Variants in ESRRG observed in about 807,000 individuals in gnomAD.
The protein encoded by ESRRG is estrogen related receptor gamma, also known as estrogen-related receptor gamma.
In ESRRG, 13 loss-of-function variants were observed where a neutral mutation model predicts 44.0. The observed-to-expected ratio is 0.30, with a 90% confidence interval of 0.19 to 0.47. The LOEUF is 0.47. Among genes scored for constraint, ESRRG ranks in the 20% least tolerant of loss-of-function variants. The pLI, the probability that ESRRG is intolerant of heterozygous loss-of-function variation, is 1.00. For synonymous variants in ESRRG, 215 were observed against 214.6 expected (o/e 1.00, Z -0.02); for missense variants, 395 against 580.6 (o/e 0.68, Z 3.29).
At chr1:216,757,194 A>ATTTGT in intron 2 of ESRRG, among the ~76,000 whole-genome samples, 1 of 152,050 alleles carries the variant, frequency 6.6e-6, no homozygotes, top group East Asian at 1.9e-4. Flanking sequence ...GAGAGGAATG[A>ATTTGT]TTTGTTTTTT....
chr1:217,125,539 T>C (rs2092878559), intron 1 of ESRRG, among the ~76,000 whole-genome samples: 1 of 152,242 alleles, frequency 6.6e-6, no homozygotes, highest in Non-Finnish European at 1.5e-5. Flanking sequence ...TTTGGTCATT[T>C]CTTTTCCTCA....
At chr1:216,856,118 G>T (rs547885860) in intron 2 of ESRRG, among the ~76,000 whole-genome samples, 1 of 150,950 alleles carries the variant, frequency 6.6e-6, no homozygotes, top group Non-Finnish European at 1.5e-5. Flanking sequence ...TTTTTTTCCC[G>T]GTCTTCCCTA....
At chr1:217,083,051 G>A (rs1028110382) in intron 1 of ESRRG, among the ~76,000 whole-genome samples, 8 of 152,104 alleles carry the variant, frequency 5.3e-5, no homozygotes, top group African/African-American at 1.9e-4. Flanking sequence ...CTGTTTTACT[G>A]CCTTTGTATT....
At chr1:216,736,069 G>C (rs542340731) in intron 2 of ESRRG, among the ~76,000 whole-genome samples, 44 of 145,068 alleles carry the variant, frequency 3.0e-4, no homozygotes, top group African/African-American at 1.1e-3. Context: ...AGAAAGATGA[G>C]AACAGGGGGG....
intron 5 of ESRRG, among the ~76,000 whole-genome samples, chr1:216,561,775 A>G (rs1354806550): frequency 6.6e-6 from 1 of 152,154 alleles, no homozygotes; most frequent in Non-Finnish European, 1.5e-5. Flanking sequence ...ATTCCTTGCA[A>G]TCATTTACAA....
chr1:216,534,914 G>T (rs1466023208), intron 5 of ESRRG, among the ~76,000 whole-genome samples: 2 of 152,076 alleles, frequency 1.3e-5, no homozygotes, highest in Non-Finnish European at 1.5e-5. Context: ...CTGCAATGTG[G>T]CTTATCCCAA....
At position 216,734,971 on chromosome 1, in the gene ESRRG, C is replaced by T. The variant is rs547031522; in HGVS notation, c.-13-57480G>A. On this transcript the variant is annotated intron_variant, in intron 2 of 7. Transcript: ENST00000359162. Reference sequence around the variant, plus strand: ...TTGCCCAGGCTGGAGTGCAGTGGTGCGATCTTGGCTTACTACAACCTCCGC... The same window carrying T: ...TTGCCCAGGCTGGAGTGCAGTGGTGTGATCTTGGCTTACTACAACCTCCGC... Among the ~76,000 whole-genome samples the T allele has an allele frequency of 8.3e-4, 106 of 127,460 alleles. 1 individual carries two copies. In the South Asian group the frequency reaches 0.023, roughly 27 times the overall value. 83.6% of individuals were successfully genotyped at this position (127,460 alleles called of 152,430 possible).
intron 1 of ESRRG, among the ~76,000 whole-genome samples, chr1:217,110,151 T>C (rs1001531711): frequency 1.9e-4 from 29 of 152,294 alleles, no homozygotes; most frequent in Middle Eastern, 3.4e-3. Flanking sequence ...ATGGAAAACA[T>C]TGCTCATCAA....
chr1:216,534,538 C>T (rs952497517), intron 5 of ESRRG, among the ~76,000 whole-genome samples: 1 of 152,066 alleles, frequency 6.6e-6, no homozygotes, highest in Admixed American at 6.6e-5. Context: ...AAAATTCATG[C>T]TGAAATGTAG....
At chr1:216,809,930 G>A (rs2094916414) in intron 2 of ESRRG, among the ~76,000 whole-genome samples, 1 of 152,142 alleles carries the variant, frequency 6.6e-6, no homozygotes, top group Non-Finnish European at 1.5e-5. Flanking sequence ...AATTGAGCAA[G>A]CCTCAAATCT....
chr1:216,873,836 T>A (rs987161503), intron 2 of ESRRG, among the ~76,000 whole-genome samples: 17 of 133,966 alleles, frequency 1.3e-4, no homozygotes, highest in African/African-American at 4.8e-4. Context: ...GGAGCCTGGG[T>A]GCAAGGAACA....
At chr1:216,533,785 A>G (rs1361067197) in intron 5 of ESRRG, among the ~76,000 whole-genome samples, 1 of 152,120 alleles carries the variant, frequency 6.6e-6, no homozygotes, top group Non-Finnish European at 1.5e-5. Flanking sequence ...GACAGATCCC[A>G]TTTTTCAGCT....
intron 1 of ESRRG, among the ~76,000 whole-genome samples, chr1:216,942,795 T>C (rs1363374524): frequency 1.3e-5 from 2 of 152,196 alleles, no homozygotes; most frequent in Non-Finnish European, 2.9e-5. Flanking sequence ...TCAAGTTCCT[T>C]GTAGTTTCTG....
chr1:216,870,168 A>G (rs1479278324), intron 2 of ESRRG, among the ~76,000 whole-genome samples: 1 of 151,866 alleles, frequency 6.6e-6, no homozygotes, highest in African/African-American at 2.4e-5. Context: ...TTCTATGCCT[A>G]CTTTGCAGAG....
chr1:216,793,563 A>T (rs2148135141), intron 2 of ESRRG, among the ~76,000 whole-genome samples: 1 of 152,260 alleles, frequency 6.6e-6, no homozygotes, highest in African/African-American at 2.4e-5. Flanking sequence ...TCTTCAGATG[A>T]CTGCAGCCCT....
At chr1:217,080,415 A>G (rs2091649567) in intron 1 of ESRRG, among the ~76,000 whole-genome samples, 1 of 152,088 alleles carries the variant, frequency 6.6e-6, no homozygotes, top group Non-Finnish European at 1.5e-5. Flanking sequence ...CATGCTGTCT[A>G]TGTCATTACT....
At chr1:216,650,845 CT>C (rs1559027344) in intron 3 of ESRRG, 127 bp downstream of exon 3, 20 of 697,862 alleles carry the variant, frequency 2.9e-5, no homozygotes, top group African/African-American at 5.3e-5. Context: ...AAGGAGTATT[CT>C]GCCATCAGAG....
At chr1:217,021,004 C>A (rs1369511064) in intron 1 of ESRRG, among the ~76,000 whole-genome samples, 1 of 151,316 alleles carries the variant, frequency 6.6e-6, no homozygotes, top group Non-Finnish European at 1.5e-5. Flanking sequence ...AAACACTACC[C>A]TTTCATACTA....
intron 2 of ESRRG, among the ~76,000 whole-genome samples, chr1:216,887,178 G>C (rs1417627596): frequency 6.6e-6 from 1 of 152,132 alleles, no homozygotes; most frequent in Non-Finnish European, 1.5e-5. Flanking sequence ...ACAGAGTAGA[G>C]TTTCCAACTC....
Sources: gnomAD v4.1 joint callset for allele counts (sites outside exome capture counted in the v4.1 genomes callset) on GRCh38, gnomAD v4.1.1 for gene constraint, MANE v1.5 for transcripts, NCBI Gene and HGNC (gene_info 2026-07-23, HGNC 2026-07-21) for gene names.